Variants in FAF1 observed in about 807,000 individuals in gnomAD.
FAF1 encodes the protein Fas associated factor 1.
Under a neutral mutation model 92.5 loss-of-function variants are expected in FAF1, and 25 were observed. That is an observed-to-expected ratio of 0.27 (90% CI 0.20 to 0.38). The LOEUF (loss-of-function observed/expected upper bound fraction) is 0.38, where lower values mean the gene tolerates loss of function less well. FAF1 is among the 10% of genes least tolerant of loss of function. The probability of loss-of-function intolerance (pLI) is 1.00; values close to 1 mark genes in which losing one functional copy is unlikely to be tolerated. For missense variants in FAF1, 636 were observed against 793.3 expected, an observed-to-expected ratio of 0.80 and a Z score of 2.38; for synonymous variants, 234 against 273.2, an observed-to-expected ratio of 0.86 and a Z score of 1.42.
chr1:50,786,824 T>C lies in FAF1; in HGVS notation c.367+1176A>G, dbSNP rs758909610. On this transcript the variant is annotated intron_variant, in intron 4 of 18. Transcript: ENST00000396153. ...AGGGGCTTGATCAAACAGGGACTTA[T>C]AGGCCATGTTAAAGATTTGAATTAT... is the stretch of plus-strand genomic sequence containing the variant. Among the ~76,000 whole-genome samples, 121 of 152,324 alleles carry C rather than the reference T, an allele frequency of 7.9e-4. 1 individual carries two copies. Among genetic ancestry groups the C allele is most frequent in the Non-Finnish European group, 1.1e-3 (78 of 68,032 alleles).
intron 13 of FAF1, among the ~76,000 whole-genome samples, chr1:50,555,973 TTATATATATGGTGTG>T (rs1375432836): frequency 4.6e-5 from 7 of 151,874 alleles, no homozygotes; most frequent in Admixed American, 2.6e-4. Flanking sequence ...TGTGTATATA[TTATATATATGGTGTG>T]TATATATATG....
intron 8 of FAF1, among the ~76,000 whole-genome samples, chr1:50,643,122 G>T (rs975060881): frequency 6.6e-6 from 1 of 152,144 alleles, no homozygotes; most frequent in African/African-American, 2.4e-5. Flanking sequence ...GAGCCACCAC[G>T]CCTGGCCTTT....
At chr1:50,776,469 C>T (rs12084054) in intron 4 of FAF1, among the ~76,000 whole-genome samples, 13,157 of 152,006 alleles carry the variant, frequency 0.087, 592 homozygotes, top group African/African-American at 0.098. Flanking sequence ...CATTAACATA[C>T]ATAATCCAGA....
intron 12 of FAF1, among the ~76,000 whole-genome samples, chr1:50,570,469 T>TG (rs1265003432): frequency 1.3e-5 from 2 of 152,068 alleles, no homozygotes; most frequent in Non-Finnish European, 2.9e-5. Context: ...GAAACAGTTT[T>TG]CGTTCCAGGG....
chr1:50,944,240 G>GGGGGATGGCAGACCCAGC (rs1645156746), intron 1 of FAF1, among the ~76,000 whole-genome samples: 1 of 152,224 alleles, frequency 6.6e-6, no homozygotes, highest in Non-Finnish European at 1.5e-5. Flanking sequence ...TCAGAGCCAT[G>GGGGGATGGCAGACCCAGC]GGGGATGGCA....
In FAF1 at chr1:50,535,381, A is replaced by G. The variant is rs1285519117; in HGVS notation, c.1482T>C (p.Asp494=). The change falls in exon 15 of 19, where the codon GAT becomes GAC. Residue 494 remains aspartate (D), a synonymous_variant. Coordinates refer to ENST00000396153, the MANE Select transcript of FAF1 (RefSeq NM_007051.3). ...TGCATAACCTTACCTCGTCCTTTAT[A>G]TCTTCCTGTTGTTGGGCTGTGAAGA... ...MEIFTAQQQE[D]IKDEDEREAR... 2 of 1,608,618 alleles carry G rather than the reference A, an allele frequency of 1.2e-6. No homozygotes were observed. Among genetic ancestry groups the G allele is most frequent in the South Asian group, 2.2e-5 (2 of 90,836 alleles).
chr1:50,829,766 G>C (rs1460084118), intron 2 of FAF1, among the ~76,000 whole-genome samples: 1 of 152,184 alleles, frequency 6.6e-6, no homozygotes, highest in Non-Finnish European at 1.5e-5. Context: ...TCCTGTAACT[G>C]AGTTGCCAAT....
chr1:50,661,343 C>A (rs1402798221), intron 7 of FAF1, among the ~76,000 whole-genome samples: 1 of 152,156 alleles, frequency 6.6e-6, no homozygotes, highest in East Asian at 1.9e-4. Context: ...TTTATCTCAA[C>A]ATTTAAAATT....
At chr1:50,858,354 C>T (rs768196033) in intron 1 of FAF1, among the ~76,000 whole-genome samples, 9 of 151,826 alleles carry the variant, frequency 5.9e-5, no homozygotes, top group Admixed American at 1.3e-4. Context: ...ATACCATGCA[C>T]TTTATATAAA....
chr1:50,830,161 A>G (rs752990439), intron 2 of FAF1, among the ~76,000 whole-genome samples: 14 of 152,056 alleles, frequency 9.2e-5, no homozygotes, highest in Non-Finnish European at 2.1e-4. Context: ...TGTGTTGCCC[A>G]AGGTGGAGTG....
chr1:50,822,322 T>A (rs1644050446), intron 2 of FAF1, among the ~76,000 whole-genome samples: 1 of 152,118 alleles, frequency 6.6e-6, no homozygotes, highest in Non-Finnish European at 1.5e-5. Flanking sequence ...CAAGGGAATA[T>A]GAGGCAGATC....
chr1:50,687,325 C>T (rs954555977), intron 7 of FAF1, among the ~76,000 whole-genome samples: 9 of 150,094 alleles, frequency 6.0e-5, no homozygotes, highest in South Asian at 2.1e-4. Flanking sequence ...CATACAACCA[C>T]CTTAACCAAT....
chr1:50,469,750 T>C (rs115341174), intron 18 of FAF1, among the ~76,000 whole-genome samples: 117 of 152,160 alleles, frequency 7.7e-4, no homozygotes, highest in African/African-American at 2.3e-3. Flanking sequence ...GGCAGTGGTA[T>C]AGAGGGAAAG....
At chr1:50,816,266 G>A (rs1359277015) in intron 2 of FAF1, among the ~76,000 whole-genome samples, 2 of 144,126 alleles carry the variant, frequency 1.4e-5, no homozygotes, top group African/African-American at 2.6e-5. Flanking sequence ...GTGCAGAGGC[G>A]CGATCTCGGC....
chr1:50,519,410 G>GGGAGAGAA (rs1647384897), intron 15 of FAF1, among the ~76,000 whole-genome samples: 1 of 125,948 alleles, frequency 7.9e-6, no homozygotes, highest in Non-Finnish European at 1.7e-5. Context: ...GAGGGAGGGA[G>GGGAGAGAA]GGAGAGAAGG....
At chr1:50,483,223 A>G (rs1646723390) in intron 17 of FAF1, among the ~76,000 whole-genome samples, 2 of 151,472 alleles carry the variant, frequency 1.3e-5, no homozygotes, top group African/African-American at 4.9e-5. Flanking sequence ...TTGGATATAA[A>G]TATTCAATTG....
At chr1:50,694,627 G>A (rs960626765) in intron 7 of FAF1, among the ~76,000 whole-genome samples, 3 of 150,954 alleles carry the variant, frequency 2.0e-5, no homozygotes, top group Non-Finnish European at 4.4e-5. Flanking sequence ...CTACCATAAC[G>A]TGATAACAAT....
intron 13 of FAF1, among the ~76,000 whole-genome samples, chr1:50,554,390 T>TATATATATAGAGAGAGAGAGAGAGAG: frequency 4.3e-4 from 40 of 93,672 alleles, no homozygotes; most frequent in African/African-American, 1.7e-3. Flanking sequence ...TATATATATA[T>TATATATATAGAGAGAGAGAGAGAGAG]AGAGAGAGAG....
intron 7 of FAF1, among the ~76,000 whole-genome samples, chr1:50,691,432 G>A (rs1045373908): frequency 1.3e-5 from 2 of 151,868 alleles, no homozygotes; most frequent in Non-Finnish European, 2.9e-5. Flanking sequence ...TAGTAGAGAT[G>A]GGTTTCACCA....
Sources: allele counts gnomAD v4.1 joint callset (sites outside exome capture counted in the v4.1 genomes callset), GRCh38; gene constraint gnomAD v4.1.1; transcripts MANE v1.5; gene names NCBI Gene and HGNC (gene_info 2026-07-23, HGNC 2026-07-21).